The following IRF2 variants were observed in gnomAD, a reference collection of about 807,000 sequenced individuals.
The protein encoded by IRF2 is interferon regulatory factor 2.
Under a neutral mutation model 40.6 loss-of-function variants are expected in IRF2, and 15 were observed. The ratio of observed to expected loss-of-function variants is 0.37; its 90% CI spans 0.25 to 0.57. The LOEUF is 0.57. Among genes scored for constraint, IRF2 ranks in the 20% least tolerant of loss-of-function variants. IRF2 has a pLI of 0.77. For missense variants in IRF2, 317 were observed against 455.7 expected (o/e 0.70, Z 2.77); for synonymous variants, 151 against 165.5 (o/e 0.91, Z 0.67).
intron 1 of IRF2, among the ~76,000 whole-genome samples, chr4:184,459,223 C>T (rs1739047605): frequency 6.6e-6 from 1 of 152,180 alleles, no homozygotes. Flanking sequence ...AATCCACTAC[C>T]ATATTCAAGC....
chr4:184,435,764 T>C (rs1738052962), intron 1 of IRF2, among the ~76,000 whole-genome samples: 1 of 152,110 alleles, frequency 6.6e-6, no homozygotes, highest in Non-Finnish European at 1.5e-5. Context: ...AAGGGGTTCC[T>C]GGAAACACCC....
In IRF2 at chr4:184,390,743, T is replaced by C. The variant is rs1230450471; in HGVS notation, c.701A>G (p.Glu234Gly). ...ATCGCTGGGCACACTATCAGTCGTT[T>C]CGCTTTCTGTTCACAGAGAGAAAAA... ...ISPVSSYAES[E>G]TTDSVPSDEE... Residue 234 changes from glutamate to glycine, a missense_variant, in exon 8 of 9, where the codon GAA becomes GGA. Glu to Gly is a moderately conservative substitution (Grantham distance 98, BLOSUM62 -2). This residue lies in a region of IRF2 where 262 missense variants were observed against 334.0 expected (regional missense o/e 0.78). Coordinates refer to ENST00000393593, the MANE Select transcript of IRF2 (RefSeq NM_002199.4). 1 of 1,614,202 alleles carries C rather than the reference T, an allele frequency of 6.2e-7. No individual in the cohort carries two copies. Among genetic ancestry groups the C allele is most frequent in the Admixed American group, 1.7e-5 (1 of 60,020 alleles).
chr4:184,412,250 G>A (rs978623335), intron 5 of IRF2, among the ~76,000 whole-genome samples: 3 of 152,164 alleles, frequency 2.0e-5, no homozygotes, highest in Admixed American at 6.6e-5. Flanking sequence ...ACAAGAGAGA[G>A]TTCAGGGGCA....
At chr4:184,402,548 T>C (rs1736704232) in intron 6 of IRF2, among the ~76,000 whole-genome samples, 1 of 152,140 alleles carries the variant, frequency 6.6e-6, no homozygotes, top group Non-Finnish European at 1.5e-5. Flanking sequence ...TGTCCAGTCA[T>C]GACACATGCT....
At chr4:184,459,592 A>G (rs939460217) in intron 1 of IRF2, among the ~76,000 whole-genome samples, 1 of 152,212 alleles carries the variant, frequency 6.6e-6, no homozygotes, top group Non-Finnish European at 1.5e-5. Flanking sequence ...TGTAATGGGG[A>G]GAAGCTTAGT....
intron 6 of IRF2, among the ~76,000 whole-genome samples, chr4:184,399,811 G>A (rs1314512722): frequency 6.6e-6 from 1 of 152,204 alleles, no homozygotes; most frequent in Non-Finnish European, 1.5e-5. Flanking sequence ...ACACTGATAA[G>A]ATGGATTCTG....
chr4:184,405,925 T>A (rs1736836861), intron 6 of IRF2, among the ~76,000 whole-genome samples: 1 of 151,892 alleles, frequency 6.6e-6, no homozygotes, highest in Admixed American at 6.6e-5. Context: ...GACTGAGGAG[T>A]GGCCCCACAG....
At position 184,452,770 on chromosome 4, in the gene IRF2, C is replaced by CAAAAAAAAAAAA. The variant is rs530415114; in HGVS notation, c.-7+21597_-7+21608dup. On this transcript the variant is annotated intron_variant, in intron 1 of 8. Coordinates refer to ENST00000393593, the MANE Select transcript of IRF2 (RefSeq NM_002199.4). ...TGAGCAACAGAGCAGGACCCTGTCT[C>CAAAAAAAAAAAA]AAAAAAAAAAAAAAAAAAAAAAAAA... Among the ~76,000 whole-genome samples, 111 of 53,820 alleles carry CAAAAAAAAAAAA rather than the reference C, an allele frequency of 2.1e-3. 1 individual carries two copies. The highest frequency in any genetic ancestry group is 5.1e-3 in the East Asian group (6 of 1,176). The allele number at this position is 53,820 out of a possible 152,430, so 35.3% of individuals were successfully genotyped here.
At chr4:184,456,104 TCACTGATCA>T (rs1047015441) in intron 1 of IRF2, among the ~76,000 whole-genome samples, 2 of 152,200 alleles carry the variant, frequency 1.3e-5, no homozygotes, top group Non-Finnish European at 2.9e-5. Flanking sequence ...ACACCCACCA[TCACTGATCA>T]CACTGATCAC....
At chr4:184,437,217 A>G (rs1362422599) in intron 1 of IRF2, among the ~76,000 whole-genome samples, 1 of 152,244 alleles carries the variant, frequency 6.6e-6, no homozygotes, top group Non-Finnish European at 1.5e-5. Flanking sequence ...CACCACGCCC[A>G]GCTAATTTTT....
At chr4:184,437,860 G>A (rs112718590) in intron 1 of IRF2, among the ~76,000 whole-genome samples, 2 of 150,302 alleles carry the variant, frequency 1.3e-5, no homozygotes, top group African/African-American at 2.4e-5. Flanking sequence ...CCACACACAC[G>A]ATGACACGCG....
chr4:184,403,674 T>C (rs1031725436), intron 6 of IRF2, among the ~76,000 whole-genome samples: 4 of 152,238 alleles, frequency 2.6e-5, no homozygotes, highest in Admixed American at 6.5e-5. Flanking sequence ...TAATATGCTC[T>C]CCCTAACAGA....
intron 7 of IRF2, among the ~76,000 whole-genome samples, chr4:184,393,060 T>A (rs1444663579): frequency 6.6e-6 from 1 of 151,892 alleles, no homozygotes; most frequent in African/African-American, 2.4e-5. Flanking sequence ...AAAATTCCCC[T>A]CCTCAGAGAA....
intron 7 of IRF2, among the ~76,000 whole-genome samples, chr4:184,398,005 T>C (rs866891862): frequency 4.6e-5 from 7 of 152,076 alleles, no homozygotes; most frequent in African/African-American, 9.7e-5. Flanking sequence ...CCCTGGAGAA[T>C]TGGAAATGGC....
intron 1 of IRF2, among the ~76,000 whole-genome samples, chr4:184,463,230 T>C (rs1739205467): frequency 6.6e-6 from 1 of 152,352 alleles, no homozygotes; most frequent in South Asian, 2.1e-4. Context: ...CATACAGTTA[T>C]GACCAAAATA....
intron 1 of IRF2, among the ~76,000 whole-genome samples, chr4:184,437,579 GA>G (rs1210660697): frequency 6.6e-6 from 1 of 152,118 alleles, no homozygotes; most frequent in East Asian, 1.9e-4. Flanking sequence ...AAATAAGAAA[GA>G]AAAGAAAATG....
chr4:184,460,645 A>ACG, intron 1 of IRF2, among the ~76,000 whole-genome samples: 2 of 139,242 alleles, frequency 1.4e-5, no homozygotes, highest in African/African-American at 5.3e-5. Flanking sequence ...ATGCACGCAC[A>ACG]CACACACACA....
chr4:184,440,342 C>T (rs181512945), intron 1 of IRF2, among the ~76,000 whole-genome samples: 333 of 152,354 alleles, frequency 2.2e-3, no homozygotes, highest in African/African-American at 7.7e-3. Context: ...CTTCCACATT[C>T]CACACAGCGG....
intron 1 of IRF2, 29 bp from the exon 2 acceptor site, chr4:184,429,099 G>A (rs758300510): frequency 1.0e-5 from 16 of 1,565,600 alleles, no homozygotes; most frequent in Middle Eastern, 1.7e-4. Context: ...AGCGTCAGGC[G>A]TTGGTGCCAC....
Sources: allele counts gnomAD v4.1 joint callset (sites outside exome capture counted in the v4.1 genomes callset), GRCh38; gene constraint gnomAD v4.1.1; regional missense constraint gnomAD v4.1.1; transcripts MANE v1.5; gene names NCBI Gene and HGNC (gene_info 2026-07-23, HGNC 2026-07-21).